TNS1: variants seen among roughly 807,000 people sequenced by gnomAD.
TNS1 encodes the protein tensin-1.
TNS1 carries 62 observed loss-of-function variants against 168.6 expected under a neutral mutation model. The ratio of observed to expected loss-of-function variants is 0.37; its 90% CI spans 0.30 to 0.45. The LOEUF is 0.45. Ranked by LOEUF, TNS1 falls within the 20% of genes least tolerant of loss-of-function variation. TNS1 has a pLI of 1.00. For synonymous variants in TNS1, 934 were observed against 933.2 expected, an observed-to-expected ratio of 1.00 and a Z score of -0.02; for missense variants, 2,240 against 2,339.4, an observed-to-expected ratio of 0.96 and a Z score of 0.88.
chr2:217,950,800 A>C (rs1957222107), intron 3 of TNS1, among the ~76,000 whole-genome samples: 1 of 147,074 alleles, frequency 6.8e-6, no homozygotes, highest in African/African-American at 2.5e-5. Context: ...CCTCCTCTGC[A>C]CTCTTCTGCG....
rs964605889 is a variant in TNS1 at position 217,900,477 on chromosome 2, G to T, written c.357C>A (p.His119Gln). ...STRVTPSVQP[H>Q]LQPIRNMSVS... Reference sequence around the variant, plus strand: ...GCCAGGCATACCTGATGGGCTGGAGGTGGGGCTGGACACTCGGGGTGACCC... The same window carrying T: ...GCCAGGCATACCTGATGGGCTGGAGTTGGGGCTGGACACTCGGGGTGACCC... The change falls in exon 7 of 33, where the codon CAC becomes CAA. Residue 119 changes from histidine to glutamine, a missense_variant. Physicochemically the swap from His to Gln is conservative, Grantham distance 24. Coordinates refer to ENST00000682258, the MANE Select transcript of TNS1 (RefSeq NM_001387777.1). The T allele has an allele frequency of 2.0e-6, 3 of 1,535,254 alleles. No homozygotes were observed. In the African/African-American group the frequency reaches 4.1e-5, roughly 21 times the overall value.
chr2:217,895,251 A>G (rs1486404327), intron 8 of TNS1, among the ~76,000 whole-genome samples, 195 bp from the exon 9 acceptor site: 1 of 152,178 alleles, frequency 6.6e-6, no homozygotes, highest in Non-Finnish European at 1.5e-5. Context: ...AACAGCCATG[A>G]GCTCCCTGGA....
intron 1 of TNS1, among the ~76,000 whole-genome samples, chr2:218,021,597 G>A (rs1245964009): frequency 6.6e-6 from 1 of 152,166 alleles, no homozygotes; most frequent in East Asian, 1.9e-4. Context: ...AGGACTCCAG[G>A]GTGGATCCCG....
Position 217,830,322 on chromosome 2 carries a change from C to A in TNS1, c.3373+1133G>T. 4 of 1,613,088 alleles carry A rather than the reference C, an allele frequency of 2.5e-6. No homozygotes were observed. In the South Asian group the frequency reaches 4.4e-5, roughly 18 times the overall value. The stretch of plus-strand genomic sequence containing the variant: ...ACTCTGAGTGGGAGGCTATGCCCAG[C>A]TGCGTGGCTTCATGGGTCACAAATG... On this transcript the variant is annotated intron_variant, in intron 22 of 32. Coordinates refer to ENST00000682258, the MANE Select transcript of TNS1 (RefSeq NM_001387777.1).
At chr2:217,830,542 G>A in intron 22 of TNS1, 1 of 935,748 alleles carries the variant, frequency 1.1e-6, no homozygotes, top group East Asian at 2.6e-5. Context: ...GAGGAGCTGG[G>A]AAATGGGAGG....
At chr2:217,878,205 C>G (rs1392711442) in intron 18 of TNS1, among the ~76,000 whole-genome samples, 1 of 152,222 alleles carries the variant, frequency 6.6e-6, no homozygotes, top group African/African-American at 2.4e-5. Context: ...TGCCACGCTC[C>G]AGCACACCCC....
At chr2:217,889,480 C>T (rs2125693921) in intron 12 of TNS1, among the ~76,000 whole-genome samples, 1 of 152,344 alleles carries the variant, frequency 6.6e-6, no homozygotes, top group South Asian at 2.1e-4. Flanking sequence ...CTTTGGCCTC[C>T]AGGCCCTTGT....
chr2:217,872,457 G>A (rs886462712), intron 18 of TNS1, among the ~76,000 whole-genome samples: 9 of 152,218 alleles, frequency 5.9e-5, no homozygotes, highest in African/African-American at 2.2e-4. Flanking sequence ...ATGAAAAGAT[G>A]TTCAACATCA....
intron 18 of TNS1, among the ~76,000 whole-genome samples, chr2:217,873,240 T>C (rs1273620925): frequency 6.6e-6 from 1 of 152,196 alleles, no homozygotes; most frequent in East Asian, 1.9e-4. Flanking sequence ...GAAAACTGCT[T>C]TGTGGCTCCA....
Position 217,893,423 on chromosome 2 carries a change from C to CACAT in TNS1, c.717+15_717+16insATGT. Reference sequence around the variant, plus strand: ...GCGCACACACACACACACACACACACACACACAGCTCTGACCTTGTTGTGT... The same window carrying CACAT: ...GCGCACACACACACACACACACACACACATACACACAGCTCTGACCTTGTTGTGT... On this transcript the variant is annotated intron_variant, in intron 10 of 32. Transcript: ENST00000682258. The CACAT allele has an allele frequency of 6.3e-7, 1 of 1,592,810 alleles. No homozygotes were observed. The highest frequency in any genetic ancestry group is 1.1e-5 in the South Asian group (1 of 88,948).
chr2:218,019,808 T>G (rs1958792010), intron 1 of TNS1, among the ~76,000 whole-genome samples: 1 of 152,086 alleles, frequency 6.6e-6, no homozygotes. Context: ...GATTGAGAAG[T>G]GCCTCCTGAT....
At chr2:217,846,738 C>T (rs1574779748) in intron 19 of TNS1, among the ~76,000 whole-genome samples, 1 of 152,344 alleles carries the variant, frequency 6.6e-6, no homozygotes, top group South Asian at 2.1e-4. Context: ...CATTTCTTGC[C>T]TTTGTCTCCC....
intron 18 of TNS1, among the ~76,000 whole-genome samples, chr2:217,866,907 C>T (rs2125571801): frequency 6.6e-6 from 1 of 152,326 alleles, no homozygotes; most frequent in Non-Finnish European, 1.5e-5. Context: ...TTCTCAAACC[C>T]CAACTGCATG....
upstream of TNS1, among the ~76,000 whole-genome samples, chr2:218,010,667 AG>A (rs1958698194): frequency 6.9e-6 from 1 of 145,388 alleles, no homozygotes. Flanking sequence ...CCTGCGAGGA[AG>A]GAGCAGCAGC....
At chr2:218,015,804 C>G (rs2106005053) in intron 1 of TNS1, among the ~76,000 whole-genome samples, 1 of 152,232 alleles carries the variant, frequency 6.6e-6, no homozygotes, top group Admixed American at 6.5e-5. Flanking sequence ...ATGGGGATCC[C>G]ACAGGCCAGA....
At chr2:217,925,680 T>C (rs1478508299) in intron 3 of TNS1, among the ~76,000 whole-genome samples, 1 of 152,244 alleles carries the variant, frequency 6.6e-6, no homozygotes, top group African/African-American at 2.4e-5. Context: ...TTTTAACTAT[T>C]TCTAAATGTA....
At chr2:217,808,785 C>A (rs1332161498) in intron 30 of TNS1, 114 bp from the exon 31 acceptor site, 1 of 898,660 alleles carries the variant, frequency 1.1e-6, no homozygotes, top group Non-Finnish European at 1.8e-6. Context: ...CGCAGGTCCA[C>A]ACAACTTCTC....
At chr2:217,998,834 C>T (rs1958512901) in intron 1 of TNS1, among the ~76,000 whole-genome samples, 1 of 152,114 alleles carries the variant, frequency 6.6e-6, no homozygotes, top group African/African-American at 2.4e-5. Context: ...AATTCACCTC[C>T]CGAGGAGTCT....
intron 3 of TNS1, among the ~76,000 whole-genome samples, chr2:217,936,261 G>A (rs1956603447): frequency 6.6e-6 from 1 of 152,090 alleles, no homozygotes; most frequent in Non-Finnish European, 1.5e-5. Context: ...GGTAAAGGAG[G>A]CCCCCAAAGG....
Sources: gnomAD v4.1 joint callset for allele counts (sites outside exome capture counted in the v4.1 genomes callset) on GRCh38, gnomAD v4.1.1 for gene constraint, MANE v1.5 for transcripts, NCBI Gene and HGNC (gene_info 2026-07-23, HGNC 2026-07-21) for gene names.